IRAK3: variants seen among roughly 807,000 people sequenced by gnomAD.
IRAK3 encodes interleukin 1 receptor associated kinase 3.
IRAK3 carries 57 observed loss-of-function variants against 56.6 expected under a neutral mutation model. The ratio of observed to expected loss-of-function variants is 1.01; its 90% confidence interval spans 0.81 to 1.26. IRAK3 has a LOEUF of 1.26. IRAK3 is among the 50% of genes most tolerant of loss of function. The pLI is 0.00. For missense variants in IRAK3, 703 were observed against 719.0 expected, an observed-to-expected ratio of 0.98 and a Z score of 0.25; for synonymous variants, 258 against 255.7, an observed-to-expected ratio of 1.01 and a Z score of -0.09.
chr12:66,238,180 G>C (rs1231552975), intron 8 of IRAK3, among the ~76,000 whole-genome samples: 1 of 152,188 alleles, frequency 6.6e-6, no homozygotes, highest in Admixed American at 6.5e-5. Context: ...AACAGAATGG[G>C]GAGAGGCCAA....
At chr12:66,191,397 A>G (rs1169029455) in intron 1 of IRAK3, among the ~76,000 whole-genome samples, 1 of 152,196 alleles carries the variant, frequency 6.6e-6, no homozygotes, top group Non-Finnish European at 1.5e-5. Context: ...CTTGTTAGAT[A>G]CTGTAGACGG....
intron 2 of IRAK3, among the ~76,000 whole-genome samples, chr12:66,206,634 A>C (rs1192448650): frequency 6.6e-6 from 1 of 152,168 alleles, no homozygotes; most frequent in African/African-American, 2.4e-5. Flanking sequence ...TATTTTGTTG[A>C]GGATTTTTGC....
intron 2 of IRAK3, among the ~76,000 whole-genome samples, chr12:66,207,478 A>G (rs1200686099): frequency 1.3e-5 from 2 of 151,008 alleles, no homozygotes; most frequent in African/African-American, 4.9e-5. Flanking sequence ...TCTCCAAAAA[A>G]AAAAACAAAA....
At chr12:66,221,334 A>G (rs1301172634) in intron 6 of IRAK3, among the ~76,000 whole-genome samples, 3 of 152,078 alleles carry the variant, frequency 2.0e-5, no homozygotes, top group Admixed American at 6.5e-5. Flanking sequence ...CACCTTTCCA[A>G]TTAGGATGCT....
intron 8 of IRAK3, among the ~76,000 whole-genome samples, chr12:66,228,642 A>G (rs1019106712): frequency 1.3e-5 from 2 of 151,498 alleles, no homozygotes; most frequent in African/African-American, 4.8e-5. Flanking sequence ...CTGTGTACAG[A>G]TGGTCCCAAT....
At position 66,244,869 on chromosome 12, in the gene IRAK3, A is replaced by G. The variant is rs11176097; in HGVS notation, c.1087-79A>G. 0.015 allele frequency: 17,092 copies of G among 1,157,122 alleles called. 1,583 individuals are homozygous for G. The African/African-American group carries it at 0.22, about 15-fold the overall frequency. 71.7% of individuals were successfully genotyped at this position (1,157,122 alleles called of 1,614,324 possible). A position where few individuals can be genotyped will look rare whatever the true frequency, so the allele number is the denominator to read the frequency against. ...TCATTAATCAGAATGAACTATATTCATAGTCATGGTTAATAGTTGCAACAA... is the reference window on the plus strand; with the variant it reads ...TCATTAATCAGAATGAACTATATTCGTAGTCATGGTTAATAGTTGCAACAA... On this transcript the variant is annotated intron_variant, in intron 9 of 11. Transcript: ENST00000261233.
At chr12:66,241,249 G>A (rs372692617) in intron 8 of IRAK3, among the ~76,000 whole-genome samples, 10 of 152,238 alleles carry the variant, frequency 6.6e-5, no homozygotes, top group East Asian at 1.9e-4. Context: ...CTCTGTTAAG[G>A]TAAATAGCCT....
chr12:66,192,591 T>G (rs778023290), intron 1 of IRAK3, among the ~76,000 whole-genome samples: 44 of 152,218 alleles, frequency 2.9e-4, no homozygotes, highest in Non-Finnish European at 8.8e-5. Context: ...GTATTCAATT[T>G]TCTTCCTCTC....
intron 6 of IRAK3, among the ~76,000 whole-genome samples, chr12:66,223,017 G>T (rs979262037): frequency 2.0e-5 from 3 of 151,606 alleles, no homozygotes; most frequent in African/African-American, 7.3e-5. Context: ...AAGGGGGGTT[G>T]TTCTCTGTGG....
chr12:66,241,645 A>G (rs2052971369), intron 8 of IRAK3, among the ~76,000 whole-genome samples: 1 of 152,254 alleles, frequency 6.6e-6, no homozygotes, highest in African/African-American at 2.4e-5. Context: ...AACAGAATAA[A>G]TCACTGGACT....
At chr12:66,237,450 G>T (rs746859931) in intron 8 of IRAK3, among the ~76,000 whole-genome samples, 16 of 152,126 alleles carry the variant, frequency 1.1e-4, no homozygotes, top group Admixed American at 6.5e-4. Context: ...AGAAAAAGGA[G>T]ATAAAAGCTC....
At chr12:66,192,055 T>C (rs2052404867) in intron 1 of IRAK3, among the ~76,000 whole-genome samples, 1 of 152,202 alleles carries the variant, frequency 6.6e-6, no homozygotes, top group African/African-American at 2.4e-5. Flanking sequence ...GTCCCACTCC[T>C]AGAGCTGCTG....
rs556378900 is a variant in IRAK3, at chr12:66,252,717, C to T, written c.*4546C>T. 1 of 152,362 alleles carries T rather than the reference C, an allele frequency of 6.6e-6. No individual in the cohort carries two copies. The highest frequency in any genetic ancestry group is 1.5e-5 in the Non-Finnish European group (1 of 68,068). 9.4% of individuals were successfully genotyped at this position (152,362 alleles called of 1,614,324 possible). ...GGTTCTCCTGTCATAGGTCCTGGCT[C>T]CTCTGCCAGCTCTTCCAAATGGGTT... On this transcript the variant is annotated 3_prime_UTR_variant, in exon 12 of 12. Transcript: ENST00000261233.
At chr12:66,195,980 AC>A (rs60733154) in intron 1 of IRAK3, among the ~76,000 whole-genome samples, 37,982 of 141,964 alleles carry the variant, frequency 0.27, 5,015 homozygotes, top group Middle Eastern at 0.44. Context: ...TAAAATTGAC[AC>A]CCCCCCCCAC....
chr12:66,194,916 T>C (rs1054344856), intron 1 of IRAK3, among the ~76,000 whole-genome samples: 1 of 152,124 alleles, frequency 6.6e-6, no homozygotes, highest in Non-Finnish European at 1.5e-5. Flanking sequence ...CTGGGCTTAG[T>C]CCATGGACCT....
chr12:66,209,010 T>C (rs551522427), intron 2 of IRAK3, among the ~76,000 whole-genome samples: 1 of 151,194 alleles, frequency 6.6e-6, no homozygotes, highest in South Asian at 2.1e-4. Flanking sequence ...GAGGCAGAGA[T>C]TGCAATGAGC....
intron 1 of IRAK3, among the ~76,000 whole-genome samples, chr12:66,193,016 C>A (rs1029266466): frequency 6.6e-6 from 1 of 151,290 alleles, no homozygotes; most frequent in African/African-American, 2.4e-5. Context: ...TTATTATTAT[C>A]TTTTTTTTGA....
At chr12:66,207,882 A>G (rs1455792237) in intron 2 of IRAK3, among the ~76,000 whole-genome samples, 4 of 152,112 alleles carry the variant, frequency 2.6e-5, no homozygotes, top group Non-Finnish European at 5.9e-5. Flanking sequence ...TGATCAGAAA[A>G]TAGACTTTGT....
At chr12:66,241,923 T>G (rs1152917) in intron 8 of IRAK3, among the ~76,000 whole-genome samples, 7,859 of 152,280 alleles carry the variant, frequency 0.052, 337 homozygotes, top group Non-Finnish European at 0.082. Flanking sequence ...AGAATTAGAT[T>G]GAAGGTTTTG....
Sources: gnomAD v4.1 joint callset for allele counts (sites outside exome capture counted in the v4.1 genomes callset) on GRCh38, gnomAD v4.1.1 for gene constraint, MANE v1.5 for transcripts, NCBI Gene and HGNC (gene_info 2026-07-23, HGNC 2026-07-21) for gene names.